ZNF823: variants seen among roughly 807,000 people sequenced by gnomAD.
ZNF823 encodes ZFP 36 for a zinc finger protein.
Under a neutral mutation model 11.4 loss-of-function variants are expected in ZNF823, and 5 were observed. The observed-to-expected ratio is 0.44, with a 90% confidence interval of 0.23 to 0.92. ZNF823 has a LOEUF of 0.92. ZNF823 is among the 40% of genes least tolerant of loss of function. The pLI, the probability that ZNF823 is intolerant of heterozygous loss-of-function variation, is 0.24. For synonymous variants in ZNF823, 234 were observed against 250.5 expected (o/e 0.93, Z 0.62); for missense variants, 582 against 738.5 (o/e 0.79, Z 2.46).
chr19:11,722,045 T>G lies in ZNF823; in HGVS notation c.1489A>C (p.Lys497Gln). Residue 497 changes from lysine to glutamine, a missense_variant, in exon 4 of 4, where the codon AAA becomes CAA. By Grantham distance (53) the Lys-to-Gln change is moderately conservative. Coordinates refer to ENST00000341191, the MANE Select transcript of ZNF823 (RefSeq NM_001080493.4). The surrounding 1 kb of genome is among the most constrained non-coding windows in gnomAD (Gnocchi z 5.2). ...CTACATGTTTTACACTCATAAGGTT[T>G]TTCTACTGTGTGGGTCCTTTTATGT... The part of the protein sequence containing the change: ...SQHKRTHTVE[K>Q]PYECKTCRKA... 2.5e-6 allele frequency: 4 copies of G among 1,613,460 alleles called. No individual in the cohort carries two copies. The highest frequency in any genetic ancestry group is 3.4e-6 in the Non-Finnish European group (4 of 1,179,900).
intron 1 of ZNF823, among the ~76,000 whole-genome samples, chr19:11,731,834 A>G (rs1302652971): frequency 6.6e-6 from 1 of 151,768 alleles, no homozygotes; most frequent in Non-Finnish European, 1.5e-5. Flanking sequence ...ACATGGAGAA[A>G]CCCCACCTCT....
intron 2 of ZNF823, 110 bp from the exon 3 acceptor site, chr19:11,724,364 T>C (rs2145205472): frequency 1.1e-6 from 1 of 937,342 alleles, no homozygotes; most frequent in South Asian, 1.8e-5. Flanking sequence ...AAAGTACATG[T>C]GACTCTTCAA....
intron 1 of ZNF823, among the ~76,000 whole-genome samples, chr19:11,729,736 C>A (rs1193300040): frequency 2.0e-5 from 3 of 152,112 alleles, no homozygotes; most frequent in Non-Finnish European, 4.4e-5. Context: ...ACTGGTCAGA[C>A]AATGGGCCAT....
Position 11,724,237 on chromosome 19 carries a change from G to C in ZNF823, c.148C>G (p.Gln50Glu). Reference sequence around the variant, plus strand: ...TTTTGGCACTGATCTCCAATGTTCTGGTCCTCCCATTTCATTTCTAAAAGG... The same window carrying C: ...TTTTGGCACTGATCTCCAATGTTCTCGTCCTCCCATTTCATTTCTAAAAGG... ...LDCIEMKWEDQNIGDQCQNAK... is the reference protein window; with the variant it reads ...LDCIEMKWEDENIGDQCQNAK... Residue 50 changes from glutamine to glutamate, a missense_variant, in exon 3 of 4, where the codon CAG becomes GAG. Coordinates refer to ENST00000341191, the MANE Select transcript of ZNF823 (RefSeq NM_001080493.4). The C allele has an allele frequency of 6.2e-7, 1 of 1,605,644 alleles. No homozygotes were observed. The highest frequency in any genetic ancestry group is 1.3e-5 in the African/African-American group (1 of 74,540).
chr19:11,724,222 G>C lies in ZNF823; in HGVS notation c.163C>G (p.Gln55Glu), dbSNP rs777238917. The part of the protein sequence containing the change: ...MKWEDQNIGD[Q>E]CQNAKRNLRS... The stretch of plus-strand genomic sequence containing the variant: ...AGATTTCTCTTGGCATTTTGGCACT[G>C]ATCTCCAATGTTCTGGTCCTCCCAT... Residue 55 changes from glutamine (Q) to glutamate (E), a missense_variant, in exon 3 of 4, where the codon CAG becomes GAG. Physicochemically the swap from Gln to Glu is conservative, Grantham distance 29 (BLOSUM62 2). Coordinates refer to ENST00000341191, the MANE Select transcript of ZNF823 (RefSeq NM_001080493.4). The C allele has an allele frequency of 1.2e-6, 2 of 1,610,216 alleles. No individual in the cohort carries two copies. Among genetic ancestry groups the C allele is most frequent in the African/African-American group, 1.3e-5 (1 of 74,748 alleles).
chr19:11,733,018 A>G (rs1316390985), intron 1 of ZNF823, among the ~76,000 whole-genome samples: 1 of 152,194 alleles, frequency 6.6e-6, no homozygotes, highest in African/African-American at 2.4e-5. Context: ...ATAACAAAAC[A>G]CATTCCCATC....
At chr19:11,732,096 G>C (rs1974907000) in intron 1 of ZNF823, among the ~76,000 whole-genome samples, 1 of 151,374 alleles carries the variant, frequency 6.6e-6, no homozygotes, top group Non-Finnish European at 1.5e-5. Flanking sequence ...TTGTTATAAA[G>C]GATTTCTCAA....
In ZNF823 at chr19:11,721,868, C is replaced by T; in HGVS notation, c.1666G>A (p.Glu556Lys). Residue 556 changes from glutamate to lysine, a missense_variant, in exon 4 of 4, where the codon GAA becomes AAA. Physicochemically the swap from Glu to Lys is moderately conservative, Grantham distance 56. This residue lies in a region of ZNF823 where 144 missense variants were observed against 154.3 expected (regional missense o/e 0.93). Transcript: ENST00000341191. Reference sequence around the variant, plus strand: ...AAGGCTTTACCACATTGTAGACATTCATAGGGTTTCTCTCCAGTGTGAATT... The same window carrying T: ...AAGGCTTTACCACATTGTAGACATTTATAGGGTTTCTCTCCAGTGTGAATT... The part of the protein sequence containing the change: ...ERIHTGEKPY[E>K]CLQCGKAFTR... 1 of 1,613,416 alleles carries T rather than the reference C, an allele frequency of 6.2e-7. No individual in the cohort carries two copies. The highest frequency in any genetic ancestry group is 8.5e-7 in the Non-Finnish European group (1 of 1,179,862).
rs1974748705 is a variant in ZNF823, at chr19:11,724,254, T to C, written c.131A>G (p.Glu44Gly). Residue 44 changes from glutamate (E) to glycine (G), a missense_variant and splice_region_variant, in exon 3 of 4, where the codon GAA becomes GGA. Transcript: ENST00000341191. Reference protein sequence around the residue: ...QETIRNLDCIEMKWEDQNIGD... With the variant: ...QETIRNLDCIGMKWEDQNIGD... ...AATGTTCTGGTCCTCCCATTTCATT[T>C]CTAAAAGGTAGACCCAGGAAAATCA... The C allele has an allele frequency of 6.2e-7, 1 of 1,603,568 alleles. No homozygotes were observed. The highest frequency in any genetic ancestry group is 8.5e-7 in the Non-Finnish European group (1 of 1,176,398).
chr19:11,738,315 A>G (rs1045068701), intron 1 of ZNF823, among the ~76,000 whole-genome samples: 11 of 151,986 alleles, frequency 7.2e-5, no homozygotes, highest in African/African-American at 1.7e-4. Context: ...CGGTTTCTTC[A>G]CCTCCAGTCC....
At chr19:11,736,058 A>C (rs1974987456) in intron 1 of ZNF823, among the ~76,000 whole-genome samples, 1 of 149,770 alleles carries the variant, frequency 6.7e-6, no homozygotes, top group Admixed American at 6.6e-5. Flanking sequence ...CCACTCTACA[A>C]AGGAGACGAA....
At chr19:11,723,390 T>C in intron 3 of ZNF823, 48 bp from the exon 4 acceptor site, 1 of 1,399,704 alleles carries the variant, frequency 7.1e-7, no homozygotes, top group South Asian at 1.4e-5. Flanking sequence ...TATAAGTGAT[T>C]TTCTATATAT....
At chr19:11,737,560 CTTTTTTTTTTTTTT>C (rs766360043) in intron 1 of ZNF823, among the ~76,000 whole-genome samples, 1 of 110,492 alleles carries the variant, frequency 9.1e-6, no homozygotes, top group African/African-American at 3.4e-5. Context: ...CCGCGCCCGG[CTTTTTTTTTTTTTT>C]TTTTTTTTTC....
In ZNF823 at chr19:11,721,602, G is replaced by A; in HGVS notation, c.*99C>T. 1.6e-6 allele frequency: 2 copies of A among 1,230,810 alleles called. No homozygotes were observed. The highest frequency in any genetic ancestry group is 2.2e-6 in the Non-Finnish European group (2 of 891,210). 76.2% of individuals were successfully genotyped at this position (1,230,810 alleles called of 1,614,324 possible). Reference sequence around the variant, plus strand: ...TTTAAAAAAATTGAAACTACTTAAGGCTTTATCCCATGTTTACATTCATAG... The same window carrying A: ...TTTAAAAAAATTGAAACTACTTAAGACTTTATCCCATGTTTACATTCATAG... On this transcript the variant is annotated 3_prime_UTR_variant, in exon 4 of 4. Coordinates refer to ENST00000341191, the MANE Select transcript of ZNF823 (RefSeq NM_001080493.4).
rs750026282 is a variant in ZNF823 at position 11,721,873 on chromosome 19, G to C, written c.1661C>G (p.Pro554Arg). Residue 554 changes from proline to arginine, a missense_variant, in exon 4 of 4, where the codon CCC becomes CGC. Pro to Arg is a moderately radical substitution (Grantham distance 103, BLOSUM62 -2). This residue lies in a region of ZNF823 where 144 missense variants were observed against 154.3 expected (regional missense o/e 0.93). Transcript: ENST00000341191. Reference sequence around the variant, plus strand: ...TTTACCACATTGTAGACATTCATAGGGTTTCTCTCCAGTGTGAATTCTTTC... The same window carrying C: ...TTTACCACATTGTAGACATTCATAGCGTTTCTCTCCAGTGTGAATTCTTTC... ...RHERIHTGEK[P>R]YECLQCGKAF... The C allele has an allele frequency of 6.2e-7, 1 of 1,613,800 alleles. No homozygotes were observed.
In ZNF823 at chr19:11,738,924, G is replaced by A. The variant is rs902175965; in HGVS notation, c.-105C>T. The stretch of plus-strand genomic sequence containing the variant: ...CCAGGGCGTCTCTCTCTCAGCGCCA[G>A]AGCCAGGACTCAGAGCGCAGGGGCG... On this transcript the variant is annotated 5_prime_UTR_variant, in exon 1 of 4. Transcript: ENST00000341191. 24 of 1,434,582 alleles carry A rather than the reference G, an allele frequency of 1.7e-5. No individual in the cohort carries two copies. Among genetic ancestry groups the A allele is most frequent in the Non-Finnish European group, 1.9e-5 (20 of 1,069,212 alleles). The allele number at this position is 1,434,582 out of a possible 1,614,324, so 88.9% of individuals were successfully genotyped here.
intron 1 of ZNF823, among the ~76,000 whole-genome samples, chr19:11,728,596 T>C (rs772458521): frequency 5.9e-5 from 9 of 152,212 alleles, no homozygotes; most frequent in Middle Eastern, 3.4e-3. Flanking sequence ...AAACTGAAGG[T>C]CCATTAGTTA....
chr19:11,723,034 T>C lies in ZNF823; in HGVS notation c.500A>G (p.Lys167Arg), dbSNP rs777991294. The C allele has an allele frequency of 4.3e-6, 7 of 1,614,100 alleles. No homozygotes were observed. The Admixed American group carries it at 1.2e-4, about 27-fold the overall frequency. ...PPTGKKPFDC[K>R]ECAKTFSSLG... ...AGAACTAAAGGTTTTTGCACATTCT[T>C]TACAATCGAAGGGTTTCTTTCCGGT... is the stretch of plus-strand genomic sequence containing the variant. Residue 167 changes from lysine to arginine, a missense_variant, in exon 4 of 4, where the codon AAA becomes AGA. Transcript: ENST00000341191.
rs1323614896 is a variant in ZNF823 at position 11,723,307 on chromosome 19, C to T, written c.227G>A (p.Cys76Tyr). 1 of 1,612,364 alleles carries T rather than the reference C, an allele frequency of 6.2e-7. No individual in the cohort carries two copies. The highest frequency in any genetic ancestry group is 8.5e-7 in the Non-Finnish European group (1 of 1,179,186). ...HTCEIKDDSQ[C>Y]GETFGQIPDS... ...TGGAATCTGGCCAAAAGTTTCTCCACATTGACTGTCATCTTTAATTTCACA... is the reference window on the plus strand; with the variant it reads ...TGGAATCTGGCCAAAAGTTTCTCCATATTGACTGTCATCTTTAATTTCACA... Residue 76 changes from cysteine to tyrosine, a missense_variant, in exon 4 of 4, where the codon TGT (cysteine) becomes TAT (tyrosine). Cys to Tyr is a radical substitution (Grantham distance 194). Around this residue, in one of 3 missense-constraint regions of ZNF823, gnomAD observed 429 missense variants for 553.7 expected, o/e 0.77. Coordinates refer to ENST00000341191, the MANE Select transcript of ZNF823 (RefSeq NM_001080493.4).
Sources: allele counts gnomAD v4.1 joint callset (sites outside exome capture counted in the v4.1 genomes callset), GRCh38; gene constraint gnomAD v4.1.1; regional missense constraint gnomAD v4.1.1; non-coding constraint Gnocchi (gnomAD v3.1); transcripts MANE v1.5; gene names NCBI Gene and HGNC (gene_info 2026-07-23, HGNC 2026-07-21).